WSB1: variants seen among roughly 807,000 people sequenced by gnomAD.
WSB1 encodes the protein WD repeat and SOCS box-containing protein 1.
Under a neutral mutation model 50.2 loss-of-function variants are expected in WSB1, and 23 were observed. The ratio of observed to expected loss-of-function variants is 0.46; its 90% CI spans 0.33 to 0.65. The LOEUF (loss-of-function observed/expected upper bound fraction) is 0.65. WSB1 is among the 30% of genes least tolerant of loss of function. The probability of loss-of-function intolerance (pLI) is 0.02; values close to 1 mark genes in which losing one functional copy is unlikely to be tolerated. For missense variants in WSB1, 492 were observed against 522.3 expected (o/e 0.94, Z 0.56); for synonymous variants, 179 against 172.0 (o/e 1.04, Z -0.32).
Position 27,310,125 on chromosome 17 carries a change from G to A in WSB1, c.949G>A (p.Val317Ile), listed in dbSNP as rs1425358227. Residue 317 changes from valine to isoleucine, a missense_variant, in exon 7 of 9, where the codon GTA becomes ATA. By Grantham distance (29) the Val-to-Ile change is conservative. Transcript: ENST00000262394. ...GGANDRWVRS[V>I]SFSHDGLHVA... The stretch of plus-strand genomic sequence containing the variant: ...AGCAAATGACCGGTGGGTACGATCT[G>A]TATCTTTTAGCCATGATGGACTGCA... The A allele has an allele frequency of 1.2e-6, 2 of 1,614,070 alleles. No homozygotes were observed. Among genetic ancestry groups the A allele is most frequent in the Non-Finnish European group, 8.5e-7 (1 of 1,179,950 alleles).
In WSB1 at chr17:27,303,465, T is replaced by C. The variant is rs1338317165; in HGVS notation, c.308T>C (p.Ile103Thr). 1.9e-6 allele frequency: 3 copies of C among 1,613,966 alleles called. No homozygotes were observed. The highest frequency in any genetic ancestry group is 2.5e-6 in the Non-Finnish European group (3 of 1,180,018). The change falls in exon 3 of 9, where the codon ATT (isoleucine) becomes ACT (threonine). Residue 103 changes from isoleucine (I) to threonine (T), a missense_variant. Coordinates refer to ENST00000262394, the MANE Select transcript of WSB1 (RefSeq NM_015626.10). ...CAGAAAAATAAGCCTCGTGAACATA[T>C]TATAGACTGTGGAGATATAGTCTGG... ...GGQKNKPREH[I>T]IDCGDIVWSL...
rs1214055003 is a variant in WSB1, at chr17:27,313,794, T to C, written c.*1425T>C. On this transcript the variant is annotated 3_prime_UTR_variant, in exon 9 of 9. Transcript: ENST00000262394. The stretch of plus-strand genomic sequence containing the variant: ...TAGAATTCATTCAGGGCTCCCCGAG[T>C]GCAGCAGCTCTTATGGTGGTTTTGT... 1 of 152,160 alleles carries C rather than the reference T, an allele frequency of 6.6e-6. No homozygotes were observed. Among genetic ancestry groups the C allele is most frequent in the African/African-American group, 2.4e-5 (1 of 41,426 alleles). 9.4% of individuals were successfully genotyped at this position (152,160 alleles called of 1,614,324 possible). A position where few individuals can be genotyped will look rare whatever the true frequency, so the allele number is the denominator to read the frequency against.
At chr17:27,298,486 C>G (rs1471668802) in intron 1 of WSB1, among the ~76,000 whole-genome samples, 3 of 152,010 alleles carry the variant, frequency 2.0e-5, no homozygotes, top group African/African-American at 7.2e-5. Context: ...TTTGGGAAAC[C>G]AAGGTGGGAG....
At position 27,303,429 on chromosome 17, in the gene WSB1, GTGA is replaced by G; in HGVS notation, c.275_277del (p.Asp92del). On this transcript the variant is annotated inframe_deletion, in exon 3 of 9. Coordinates refer to ENST00000262394, the MANE Select transcript of WSB1 (RefSeq NM_015626.10). ...AGTTTAAGATTGCCAAGACAAAATA[GTGA>G]TGGTGGTCAGAAAAATAAGCCTCGT... 4 of 1,614,044 alleles carry G rather than the reference GTGA, an allele frequency of 2.5e-6. No homozygotes were observed. In the South Asian group the frequency reaches 4.4e-5, roughly 18 times the overall value.
rs2017772961 is a variant in WSB1, at chr17:27,313,605, T to A, written c.*1236T>A. 1 of 150,206 alleles carries A rather than the reference T, an allele frequency of 6.7e-6. No individual in the cohort carries two copies. Among genetic ancestry groups the A allele is most frequent in the African/African-American group, 2.5e-5 (1 of 39,872 alleles). The allele number at this position is 150,206 out of a possible 1,614,324, so 9.3% of individuals were successfully genotyped here. On this transcript the variant is annotated 3_prime_UTR_variant, in exon 9 of 9. Coordinates refer to ENST00000262394, the MANE Select transcript of WSB1 (RefSeq NM_015626.10). ...AATTATATATTTTTGTTGAGTTTTTTAATTAAAGACTTGTAAAAAAAAAAA... is the reference window on the plus strand; with the variant it reads ...AATTATATATTTTTGTTGAGTTTTTAAATTAAAGACTTGTAAAAAAAAAAA...
intron 5 of WSB1, chr17:27,308,040 G>A (rs1329903577): frequency 5.8e-6 from 7 of 1,200,090 alleles, no homozygotes; most frequent in Non-Finnish European, 7.2e-6. Context: ...TTATGGAATT[G>A]GGAGTCTGAC....
At chr17:27,296,190 G>C (rs2016970004) in intron 1 of WSB1, among the ~76,000 whole-genome samples, 2 of 151,730 alleles carry the variant, frequency 1.3e-5, no homozygotes, top group Admixed American at 6.6e-5. Flanking sequence ...ACATAAAGTA[G>C]AACCATCCAC....
rs1273756872 is a variant in WSB1 at position 27,306,874 on chromosome 17, A to G, written c.703A>G (p.Ser235Gly). Residue 235 changes from serine to glycine, a missense_variant, in exon 5 of 9, where the codon AGT becomes GGT. Physicochemically the swap from Ser to Gly is moderately conservative, Grantham distance 56. Coordinates refer to ENST00000262394, the MANE Select transcript of WSB1 (RefSeq NM_015626.10). ...DSSMLCSVGA[S>G]KAVFLWNMDK... ...TTCTATGCTGTGTTCAGTCGGAGCC[A>G]GTAAAGCAGTACGTGTCAAAGTTCT... is the stretch of plus-strand genomic sequence containing the variant. 1.9e-6 allele frequency: 3 copies of G among 1,614,180 alleles called. No homozygotes were observed. In the South Asian group the frequency reaches 3.3e-5, roughly 18 times the overall value.
intron 1 of WSB1, among the ~76,000 whole-genome samples, chr17:27,298,074 G>C (rs911328757): frequency 1.3e-5 from 2 of 148,338 alleles, no homozygotes; most frequent in African/African-American, 5.0e-5. Flanking sequence ...GTAGTGAGCG[G>C]AGATCATGCC....
chr17:27,298,965 G>A (rs1156972458), intron 1 of WSB1, among the ~76,000 whole-genome samples: 1 of 152,118 alleles, frequency 6.6e-6, no homozygotes, highest in Non-Finnish European at 1.5e-5. Flanking sequence ...GGAGGTTGAG[G>A]CAGGAGGATC....
chr17:27,298,780 C>T (rs891309271), intron 1 of WSB1, among the ~76,000 whole-genome samples: 1 of 152,132 alleles, frequency 6.6e-6, no homozygotes, highest in African/African-American at 2.4e-5. Context: ...AGGAGAATTG[C>T]TTGAACCCAG....
At position 27,303,295 on chromosome 17, in the gene WSB1, G is replaced by T. The variant is rs1303316201; in HGVS notation, c.210-72G>T. 1.8e-5 allele frequency: 27 copies of T among 1,487,680 alleles called. 1 individual carries two copies. The highest frequency in any genetic ancestry group is 2.4e-5 in the Non-Finnish European group (27 of 1,102,048). The allele number at this position is 1,487,680 out of a possible 1,614,324, so 92.2% of individuals were successfully genotyped here. A position where few individuals can be genotyped will look rare whatever the true frequency, so the allele number is the denominator to read the frequency against. On this transcript the variant is annotated intron_variant, in intron 2 of 8. Coordinates refer to ENST00000262394, the MANE Select transcript of WSB1 (RefSeq NM_015626.10). ...ATTGAGGTTATTTTAACAAACACTTGTAATTATTCAATGTCCAGAGGAGTC... is the reference window on the plus strand; with the variant it reads ...ATTGAGGTTATTTTAACAAACACTTTTAATTATTCAATGTCCAGAGGAGTC...
intron 2 of WSB1, 171 bp downstream of exon 2, chr17:27,302,127 T>G (rs557384822): frequency 1.1e-6 from 1 of 915,958 alleles, no homozygotes; most frequent in African/African-American, 1.8e-5. Flanking sequence ...AAGAATTCTT[T>G]GGGCCGGGCG....
rs367689498 is a variant in WSB1, at chr17:27,306,752, G to A, written c.611-30G>A. ...ACTGCTCATTTGAAGTGGATTCTAGGGTTAATACAGATTATTTCTTTTTGT... is the reference window on the plus strand; with the variant it reads ...ACTGCTCATTTGAAGTGGATTCTAGAGTTAATACAGATTATTTCTTTTTGT... On this transcript the variant is annotated intron_variant, in intron 4 of 8. Transcript: ENST00000262394. The A allele has an allele frequency of 2.4e-5, 39 of 1,605,552 alleles. No homozygotes were observed. In the African/African-American group the frequency reaches 4.5e-4, roughly 19 times the overall value.
chr17:27,311,411 G>T, intron 7 of WSB1, 98 bp from the exon 8 acceptor site: 1 of 823,948 alleles, frequency 1.2e-6, no homozygotes, highest in Non-Finnish European at 1.9e-6. Flanking sequence ...TGTGTATTTT[G>T]TGACTCATAA....
chr17:27,305,773 C>T (rs1272600391), intron 4 of WSB1, among the ~76,000 whole-genome samples: 1 of 152,210 alleles, frequency 6.6e-6, no homozygotes, highest in East Asian at 1.9e-4. Flanking sequence ...TTTATCTGCT[C>T]AGCTGTTGAG....
intron 1 of WSB1, among the ~76,000 whole-genome samples, chr17:27,297,825 A>G (rs1282883412): frequency 2.0e-5 from 3 of 151,936 alleles, no homozygotes; most frequent in Admixed American, 1.3e-4. Context: ...AATACAGTCT[A>G]GGCTGGGCAC....
intron 5 of WSB1, chr17:27,308,500 C>T (rs1171361925): frequency 1.0e-6 from 1 of 985,424 alleles, no homozygotes; most frequent in African/African-American, 1.7e-5. Context: ...CATAAAATAG[C>T]ATTTTCATTT....
chr17:27,300,138 T>A (rs1332082448), intron 1 of WSB1, among the ~76,000 whole-genome samples: 2 of 149,422 alleles, frequency 1.3e-5, no homozygotes, highest in Non-Finnish European at 3.0e-5. Context: ...TGATGGAGCA[T>A]ACATTCAGGC....
Sources: gnomAD v4.1 joint callset for allele counts (sites outside exome capture counted in the v4.1 genomes callset) on GRCh38, gnomAD v4.1.1 for gene constraint, MANE v1.5 for transcripts, NCBI Gene and HGNC (gene_info 2026-07-23, HGNC 2026-07-21) for gene names.